The following GPR39 variants were observed in gnomAD, a reference collection of about 807,000 sequenced individuals.
The protein encoded by GPR39 is G protein-coupled receptor 39.
Under a neutral mutation model 18.4 loss-of-function variants are expected in GPR39, and 23 were observed. That is an observed-to-expected ratio of 1.25 (90% CI 0.90 to 1.77). GPR39 has a LOEUF of 1.77. GPR39 is among the 40% of genes most tolerant of loss of function. The pLI, the probability that GPR39 is intolerant of heterozygous loss-of-function variation, is 0.00. For synonymous variants in GPR39, 280 were observed against 257.9 expected, an observed-to-expected ratio of 1.09 and a Z score of -0.82; for missense variants, 647 against 602.4, an observed-to-expected ratio of 1.07 and a Z score of -0.78.
intron 1 of GPR39, among the ~76,000 whole-genome samples, chr2:132,572,982 A>G (rs1680466813): frequency 6.6e-6 from 1 of 152,140 alleles, no homozygotes; most frequent in African/African-American, 2.4e-5. Flanking sequence ...TTATTACCAG[A>G]AGAAAGAATG....
intron 1 of GPR39, among the ~76,000 whole-genome samples, chr2:132,638,096 GA>G (rs1039511792): frequency 9.9e-5 from 15 of 152,046 alleles, no homozygotes; most frequent in African/African-American, 3.6e-4. Flanking sequence ...GAAAGGTGGG[GA>G]AAAATAAGAG....
At chr2:132,545,206 G>A (rs1475194973) in intron 1 of GPR39, among the ~76,000 whole-genome samples, 1 of 152,224 alleles carries the variant, frequency 6.6e-6, no homozygotes, top group Non-Finnish European at 1.5e-5. Context: ...GTCTCCAGGA[G>A]TGATATTCTG....
intron 1 of GPR39, among the ~76,000 whole-genome samples, chr2:132,584,297 G>A (rs543582406): frequency 2.0e-5 from 3 of 152,270 alleles, no homozygotes; most frequent in East Asian, 3.9e-4. Context: ...CAGCATCCCC[G>A]AAAGGCCTGC....
chr2:132,645,986 G>T lies in GPR39; in HGVS notation c.*380G>T. ...CAGAAGAAACTCACTCAGGGAGGTG[G>T]GGGGTTGGGGGCGAGGGCTGGAAGA... is the stretch of plus-strand genomic sequence containing the variant. On this transcript the variant is annotated 3_prime_UTR_variant, in exon 2 of 2. Transcript: ENST00000329321. 7.6e-7 allele frequency: 1 copy of T among 1,307,912 alleles called. No homozygotes were observed. Among genetic ancestry groups the T allele is most frequent in the Non-Finnish European group, 1.0e-6 (1 of 958,676 alleles). 81.0% of individuals were successfully genotyped at this position (1,307,912 alleles called of 1,614,324 possible).
intron 1 of GPR39, among the ~76,000 whole-genome samples, chr2:132,440,287 A>G (rs1007466354): frequency 6.6e-6 from 1 of 152,194 alleles, no homozygotes; most frequent in Non-Finnish European, 1.5e-5. Context: ...TGTGGCAGAA[A>G]GGTTTGAAAA....
At chr2:132,515,380 C>CAGCT (rs1679314504) in intron 1 of GPR39, among the ~76,000 whole-genome samples, 7 of 152,308 alleles carry the variant, frequency 4.6e-5, no homozygotes, top group Admixed American at 3.9e-4. Context: ...GTATCCCCTG[C>CAGCT]AGCTAAAACA....
rs1680137108 is a variant in GPR39 at position 132,427,135 on chromosome 2, T to TATATATAATATACATATATAGGTAC, written c.856+9244_856+9245insATATACATATATAGGTACATATATA. Among the ~76,000 whole-genome samples the TATATATAATATACATATATAGGTAC allele has an allele frequency of 2.6e-4, 8 of 30,890 alleles. No individual in the cohort carries two copies. In the East Asian group the frequency reaches 7.7e-3, roughly 30 times the overall value. The allele number at this position is 30,890 out of a possible 152,430, so 20.3% of individuals were successfully genotyped here. A position where few individuals can be genotyped will look rare whatever the true frequency, so the allele number is the denominator to read the frequency against. On this transcript the variant is annotated intron_variant, in intron 1 of 1. Transcript: ENST00000329321. Reference sequence around the variant, plus strand: ...TATAATATACATATATAGGTACATATATATATATATATATATATATATATA... The same window carrying TATATATAATATACATATATAGGTAC: ...TATAATATACATATATAGGTACATATATATATAATATACATATATAGGTACATATATATATATATATATATATATA...
chr2:132,550,150 T>A (rs1214186843), intron 1 of GPR39, among the ~76,000 whole-genome samples: 1 of 152,224 alleles, frequency 6.6e-6, no homozygotes, highest in Non-Finnish European at 1.5e-5. Flanking sequence ...GCAAATAGCA[T>A]AACAGAGTTA....
chr2:132,423,237 A>G lies in GPR39; in HGVS notation c.856+5339A>G, dbSNP rs946612875. On this transcript the variant is annotated intron_variant, in intron 1 of 1. Transcript: ENST00000329321. ...TGATTGGTCATCCTTTCTGCTGCAC[A>G]TTCTTGTAGATGAATAGCTGTCTTC... Among the ~76,000 whole-genome samples the G allele has an allele frequency of 8.0e-5, 12 of 150,878 alleles. 1 individual carries two copies. The highest frequency in any genetic ancestry group is 7.9e-4 in the Admixed American group (12 of 15,236).
At chr2:132,555,221 A>T (rs953256649) in intron 1 of GPR39, among the ~76,000 whole-genome samples, 2 of 126,026 alleles carry the variant, frequency 1.6e-5, no homozygotes, top group African/African-American at 3.0e-5. Context: ...AAGTGCTGGG[A>T]TTACAGGTGT....
rs531093175 is a variant in GPR39, at chr2:132,559,590, C to G, written c.857-85511C>G. 1.2e-3 allele frequency among the ~76,000 whole-genome samples: 186 copies of G among 152,172 alleles called. 3 individuals carry two copies. Among genetic ancestry groups the G allele is most frequent in the African/African-American group, 4.1e-3 (169 of 41,518 alleles). ...AGCACGCTCAGGGCAGCAAACAGCT[C>G]TCCCGGCCAGGTCTTGGGAGTAGTC... On this transcript the variant is annotated intron_variant, in intron 1 of 1. Transcript: ENST00000329321.
At chr2:132,496,579 G>C (rs1681646035) in intron 1 of GPR39, among the ~76,000 whole-genome samples, 1 of 152,184 alleles carries the variant, frequency 6.6e-6, no homozygotes, top group Non-Finnish European at 1.5e-5. Context: ...TTCAGACCTT[G>C]GCTAAGCTCC....
At chr2:132,530,873 C>A (rs1679609716) in intron 1 of GPR39, among the ~76,000 whole-genome samples, 2 of 152,136 alleles carry the variant, frequency 1.3e-5, no homozygotes, top group Admixed American at 1.3e-4. Context: ...TGGAAAGGAA[C>A]AACTTGTACC....
chr2:132,448,060 A>G (rs943030992), intron 1 of GPR39, among the ~76,000 whole-genome samples: 8 of 152,218 alleles, frequency 5.3e-5, no homozygotes, highest in African/African-American at 1.9e-4. Context: ...ATGATAGAAA[A>G]GTTTAGAATT....
chr2:132,453,721 A>G (rs1680669661), intron 1 of GPR39, among the ~76,000 whole-genome samples: 2 of 152,192 alleles, frequency 1.3e-5, no homozygotes, highest in Admixed American at 1.3e-4. Context: ...TCCCAGCACC[A>G]TTTATTAAAT....
chr2:132,474,581 G>T (rs1456304507), intron 1 of GPR39, among the ~76,000 whole-genome samples: 1 of 152,194 alleles, frequency 6.6e-6, no homozygotes, highest in Admixed American at 6.5e-5. Context: ...TTGTGTGTGT[G>T]TGTTTATTTT....
chr2:132,613,345 T>C (rs1225542938), intron 1 of GPR39, among the ~76,000 whole-genome samples: 1 of 152,250 alleles, frequency 6.6e-6, no homozygotes, highest in African/African-American at 2.4e-5. Context: ...TGATTTTTTA[T>C]GTGCCTCTAC....
Position 132,645,158 on chromosome 2 carries a change from T to G in GPR39, c.914T>G (p.Met305Arg). Reference protein sequence around the residue: ...CWMPNQIRRIMAAAKPKHDWT... With the variant: ...CWMPNQIRRIRAAAKPKHDWT... ...ATGCCCAACCAGATTCGGAGGATCA[T>G]GGCTGCGGCCAAACCCAAGCACGAC... The change falls in exon 2 of 2, where the codon ATG (methionine) becomes AGG (arginine). Residue 305 changes from methionine (M) to arginine (R), a missense_variant. By Grantham distance (91) the Met-to-Arg change is moderately conservative (BLOSUM62 -1). This residue lies in a region of GPR39 where 581 missense variants were observed against 506.8 expected (regional missense o/e 1.15). Transcript: ENST00000329321. The G allele has an allele frequency of 6.2e-7, 1 of 1,614,216 alleles. No homozygotes were observed. The highest frequency in any genetic ancestry group is 8.5e-7 in the Non-Finnish European group (1 of 1,180,036).
chr2:132,525,462 T>C (rs1679490469), intron 1 of GPR39, among the ~76,000 whole-genome samples: 1 of 152,212 alleles, frequency 6.6e-6, no homozygotes, highest in Admixed American at 6.5e-5. Flanking sequence ...TTCGTCATCA[T>C]TTGCGGTGAT....
Sources: allele counts gnomAD v4.1 joint callset (sites outside exome capture counted in the v4.1 genomes callset), GRCh38; gene constraint gnomAD v4.1.1; regional missense constraint gnomAD v4.1.1; transcripts MANE v1.5; gene names NCBI Gene and HGNC (gene_info 2026-07-23, HGNC 2026-07-21).